The following TJP1 variants were observed in gnomAD, a reference collection of about 807,000 sequenced individuals.
TJP1 encodes tight junction protein ZO-1.
Under a neutral mutation model 194.2 loss-of-function variants are expected in TJP1, and 43 were observed. That is an observed-to-expected ratio of 0.22 (90% CI 0.17 to 0.29). The LOEUF (loss-of-function observed/expected upper bound fraction) is 0.29, where lower values mean the gene tolerates loss of function less well. Among genes scored for constraint, TJP1 ranks in the 10% least tolerant of loss-of-function variants. TJP1 has a pLI of 1.00. For missense variants in TJP1, 1,971 were observed against 2,185.7 expected (o/e 0.90, Z 1.96); for synonymous variants, 801 against 779.0 (o/e 1.03, Z -0.47).
At chr15:29,822,587 A>C, upstream of TJP1, 2 of 659,906 alleles carry the variant, frequency 3.0e-6, no homozygotes, top group African/African-American at 2.0e-5. Flanking sequence ...GGGCGGGACG[A>C]GCGGCCGGGG....
intron 2 of TJP1, among the ~76,000 whole-genome samples, chr15:29,939,217 T>C (rs557925466): frequency 6.6e-6 from 1 of 152,312 alleles, no homozygotes; most frequent in East Asian, 1.9e-4. Context: ...AAATGGCATC[T>C]TTCCTGCTCT....
intron 1 of TJP1, among the ~76,000 whole-genome samples, chr15:29,816,710 TC>T (rs1174606707): frequency 6.6e-6 from 1 of 152,206 alleles, no homozygotes; most frequent in African/African-American, 2.4e-5. Flanking sequence ...CTGACTCTTG[TC>T]ATTAATTTTT....
intron 2 of TJP1, among the ~76,000 whole-genome samples, chr15:29,923,854 A>G (rs2054444117): frequency 6.6e-6 from 1 of 152,200 alleles, no homozygotes; most frequent in Non-Finnish European, 1.5e-5. Flanking sequence ...GCTCTCCCAT[A>G]TGTGGAATGT....
intron 25 of TJP1, among the ~76,000 whole-genome samples, chr15:29,707,809 G>A (rs2041991681): frequency 6.6e-6 from 1 of 152,168 alleles, no homozygotes; most frequent in Admixed American, 6.6e-5. Flanking sequence ...AACAAATAAT[G>A]AATGAGGAAC....
rs772337161 is a variant in TJP1 at position 29,709,226 on chromosome 15, A to AAT, written c.4373-192_4373-191dup. Among the ~76,000 whole-genome samples the AAT allele has an allele frequency of 2.0e-5, 3 of 152,098 alleles. No individual in the cohort carries two copies. In the East Asian group the frequency reaches 5.8e-4, roughly 29 times the overall value. ...GGCAGCATGGACAGGTGGTGCCATG[A>AAT]ATATATATACCCTGCTGCCCTGGAG... is the stretch of plus-strand genomic sequence containing the variant. On this transcript the variant is annotated intron_variant, in intron 24 of 27. Coordinates refer to ENST00000614355, the MANE Select transcript of TJP1 (RefSeq NM_001330239.4).
chr15:29,906,796 T>C (rs1057220502), intron 2 of TJP1, among the ~76,000 whole-genome samples: 1 of 151,808 alleles, frequency 6.6e-6, no homozygotes, highest in African/African-American at 2.4e-5. Flanking sequence ...GCCAGGCTAG[T>C]CTCGAACTCC....
At chr15:29,838,392 T>C (rs775544840) in intron 2 of TJP1, among the ~76,000 whole-genome samples, 1 of 152,112 alleles carries the variant, frequency 6.6e-6, no homozygotes, top group Non-Finnish European at 1.5e-5. Context: ...ACCACCGCAC[T>C]CCAGCCTGGG....
intron 11 of TJP1, among the ~76,000 whole-genome samples, chr15:29,735,068 G>A (rs1351710955): frequency 6.6e-6 from 1 of 151,988 alleles, no homozygotes; most frequent in African/African-American, 2.4e-5. Flanking sequence ...TGTAATGCAG[G>A]CTCAGTGTTT....
At chr15:29,725,938 G>C (rs1046593380) in intron 18 of TJP1, among the ~76,000 whole-genome samples, 6 of 152,164 alleles carry the variant, frequency 3.9e-5, no homozygotes, top group Non-Finnish European at 8.8e-5. Context: ...CCCATCCGCT[G>C]CTTGCCTTCA....
At chr15:29,934,710 G>A (rs2054827654) in intron 2 of TJP1, among the ~76,000 whole-genome samples, 1 of 152,174 alleles carries the variant, frequency 6.6e-6, no homozygotes, top group African/African-American at 2.4e-5. Context: ...TACCTTCTAT[G>A]TGTATGCATA....
rs45451195 is a variant in TJP1, at chr15:29,717,880, A to G, written c.3974+141T>C. 2.9e-3 allele frequency: 1,893 copies of G among 659,174 alleles called. 36 individuals carry two copies. In the African/African-American group the frequency reaches 0.03, roughly 11 times the overall value. The allele number at this position is 659,174 out of a possible 1,614,324, so 40.8% of individuals were successfully genotyped here. A position where few individuals can be genotyped will look rare whatever the true frequency, so the allele number is the denominator to read the frequency against. Reference sequence around the variant, plus strand: ...TTTCCCCCTAGAATCACTGTTTAGGAGAGCTGATAGTTTTTATTTAAGGAC... The same window carrying G: ...TTTCCCCCTAGAATCACTGTTTAGGGGAGCTGATAGTTTTTATTTAAGGAC... On this transcript the variant is annotated intron_variant, in intron 22 of 27. Transcript: ENST00000614355.
intron 2 of TJP1, among the ~76,000 whole-genome samples, chr15:29,874,128 C>T (rs143179760): frequency 1.9e-3 from 282 of 152,266 alleles, no homozygotes; most frequent in African/African-American, 6.4e-3. Flanking sequence ...CCATTTAAGG[C>T]TGTCACCACC....
chr15:29,792,508 C>T (rs2048159176), intron 2 of TJP1, among the ~76,000 whole-genome samples: 1 of 152,166 alleles, frequency 6.6e-6, no homozygotes, highest in Admixed American at 6.5e-5. Flanking sequence ...TTTGAAGTCA[C>T]ATAATGTATG....
chr15:29,797,643 CAG>C (rs2048502035), intron 2 of TJP1, among the ~76,000 whole-genome samples: 3 of 144,798 alleles, frequency 2.1e-5, no homozygotes, highest in African/African-American at 7.6e-5. Flanking sequence ...AGAATAATCA[CAG>C]AGTAAAAAGG....
chr15:29,762,375 G>C lies in TJP1; in HGVS notation c.653C>G (p.Ala218Gly), dbSNP rs780234273. 24 of 1,613,434 alleles carry C rather than the reference G, an allele frequency of 1.5e-5. No homozygotes were observed. Among genetic ancestry groups the C allele is most frequent in the Non-Finnish European group, 1.9e-5 (22 of 1,179,876 alleles). The change falls in exon 6 of 28, where the codon GCA becomes GGA. Residue 218 changes from alanine (A) to glycine (G), a missense_variant. Physicochemically the swap from Ala to Gly is moderately conservative, Grantham distance 60 (BLOSUM62 0). Coordinates refer to ENST00000614355, the MANE Select transcript of TJP1 (RefSeq NM_001330239.4). ...VKEISQDSLA[A>G]RDGNIQEGDV... Reference sequence around the variant, plus strand: ...ACCTTCTTGAATATTGCCATCTCTTGCTGCCAAACTATCTTGTGAAATTTC... The same window carrying C: ...ACCTTCTTGAATATTGCCATCTCTTCCTGCCAAACTATCTTGTGAAATTTC...
At chr15:29,793,077 T>C (rs1432656625) in intron 2 of TJP1, among the ~76,000 whole-genome samples, 1 of 152,246 alleles carries the variant, frequency 6.6e-6, no homozygotes, top group Non-Finnish European at 1.5e-5. Context: ...AAATTTTTCC[T>C]TCCAATTTGG....
chr15:29,790,994 A>G (rs1326097854), intron 2 of TJP1, among the ~76,000 whole-genome samples: 1 of 152,078 alleles, frequency 6.6e-6, no homozygotes, highest in Non-Finnish European at 1.5e-5. Flanking sequence ...ATAATGCTGC[A>G]ATAAACATGG....
intron 2 of TJP1, among the ~76,000 whole-genome samples, chr15:29,845,709 C>T (rs1269038552): frequency 1.3e-5 from 2 of 152,110 alleles, no homozygotes; most frequent in Non-Finnish European, 2.9e-5. Context: ...GAGGCTGAGG[C>T]AGGAGAATGG....
intron 2 of TJP1, among the ~76,000 whole-genome samples, chr15:29,856,217 C>T (rs1027392146): frequency 1.1e-4 from 16 of 152,056 alleles, no homozygotes; most frequent in East Asian, 3.9e-4. Context: ...ACTTGAGCAC[C>T]GGGCAACATA....
Sources: gnomAD v4.1 joint callset for allele counts (sites outside exome capture counted in the v4.1 genomes callset) on GRCh38, gnomAD v4.1.1 for gene constraint, MANE v1.5 for transcripts, NCBI Gene and HGNC (gene_info 2026-07-23, HGNC 2026-07-21) for gene names.